The following SULF2 variants were observed in gnomAD, a reference collection of about 807,000 sequenced individuals.
SULF2 encodes sulfatase 2, also known as extracellular sulfatase Sulf-2.
SULF2 carries 52 observed loss-of-function variants against 107.7 expected under a neutral mutation model. That is an observed-to-expected ratio of 0.48 (90% CI 0.39 to 0.61). SULF2 has a LOEUF of 0.61. SULF2 is among the 20% of genes least tolerant of loss of function. The pLI is 0.00. For missense variants in SULF2, 993 were observed against 1,177.3 expected (o/e 0.84, Z 2.29); for synonymous variants, 460 against 464.3 (o/e 0.99, Z 0.12).
Position 47,665,291 on chromosome 20 carries a change from A to C in SULF2, c.1905T>G (p.Ile635Met). Reference sequence around the variant, plus strand: ...TCTTAATTTTGTTCTGCAGGGTTTCAATCTGAGGGAGGGGCAGAAGAGGAG... The same window carrying C: ...TCTTAATTTTGTTCTGCAGGGTTTCCATCTGAGGGAGGGGCAGAAGAGGAG... ...KDHKLHIDHE[I>M]ETLQNKIKNL... The change falls in exon 14 of 21, where the codon ATT (isoleucine) becomes ATG (methionine). Residue 635 changes from isoleucine (I) to methionine (M), a missense_variant and splice_region_variant. Ile to Met is a conservative substitution (Grantham distance 10, BLOSUM62 1). Transcript: ENST00000688720. 6.2e-7 allele frequency: 1 copy of C among 1,607,848 alleles called. No individual in the cohort carries two copies. The highest frequency in any genetic ancestry group is 8.5e-7 in the Non-Finnish European group (1 of 1,174,442).
At chr20:47,662,858 G>GTGA (rs1367338139) in intron 17 of SULF2, among the ~76,000 whole-genome samples, 1 of 151,910 alleles carries the variant, frequency 6.6e-6, no homozygotes, top group African/African-American at 2.4e-5. Context: ...CACACGCAGG[G>GTGA]TGATGGAGGC....
At chr20:47,688,543 G>A (rs909565221) in intron 5 of SULF2, among the ~76,000 whole-genome samples, 4 of 152,194 alleles carry the variant, frequency 2.6e-5, no homozygotes, top group African/African-American at 4.8e-5. Flanking sequence ...CCTCACCCAC[G>A]GCTTCTCCCT....
At chr20:47,763,942 G>T (rs898663280) in intron 1 of SULF2, among the ~76,000 whole-genome samples, 5 of 152,130 alleles carry the variant, frequency 3.3e-5, no homozygotes, top group African/African-American at 1.2e-4. Context: ...GGGGCTACAA[G>T]AACCCACCCA....
At chr20:47,743,752 G>A (rs1600628666) in intron 2 of SULF2, among the ~76,000 whole-genome samples, 1 of 152,024 alleles carries the variant, frequency 6.6e-6, no homozygotes, top group Non-Finnish European at 1.5e-5. Flanking sequence ...ATGCTCACTC[G>A]CCCCAACTAC....
In SULF2 at chr20:47,772,141, CTTTCT is replaced by C. The variant is rs574311539; in HGVS notation, c.-101+13197_-101+13201del. 1.6e-4 allele frequency among the ~76,000 whole-genome samples: 24 copies of C among 152,352 alleles called. 1 individual carries two copies. In the South Asian group the frequency reaches 4.8e-3, roughly 30 times the overall value. On this transcript the variant is annotated intron_variant, in intron 1 of 20. Coordinates refer to ENST00000688720, the MANE Select transcript of SULF2 (RefSeq NM_001387048.1). Reference sequence around the variant, plus strand: ...GGGCCTAAATTCATTCATTCATTCCCTTTCTTATTTCAATAAATTTATTTAGAAAG... The same window carrying C: ...GGGCCTAAATTCATTCATTCATTCCCTATTTCAATAAATTTATTTAGAAAG...
intron 4 of SULF2, among the ~76,000 whole-genome samples, chr20:47,700,262 C>G (rs1374258096): frequency 6.6e-6 from 1 of 152,196 alleles, no homozygotes; most frequent in Non-Finnish European, 1.5e-5. Context: ...GTAAACAAAG[C>G]TTCCTTAGAG....
At chr20:47,686,667 C>G (rs557113005) in intron 5 of SULF2, among the ~76,000 whole-genome samples, 5 of 152,336 alleles carry the variant, frequency 3.3e-5, no homozygotes, top group Non-Finnish European at 7.3e-5. Flanking sequence ...GGGACTTCAG[C>G]AGCGTCTCAG....
intron 3 of SULF2, among the ~76,000 whole-genome samples, chr20:47,704,901 C>T (rs2088681554): frequency 6.6e-6 from 1 of 152,094 alleles, no homozygotes; most frequent in Admixed American, 6.5e-5. Context: ...GCTCTGGTGC[C>T]CCTAGAGGAG....
chr20:47,756,055 A>G (rs985021268), intron 2 of SULF2, among the ~76,000 whole-genome samples: 4 of 152,220 alleles, frequency 2.6e-5, no homozygotes, highest in Non-Finnish European at 5.9e-5. Context: ...CGTAATAAAC[A>G]TCTGCTGGAT....
At chr20:47,707,827 C>T (rs1481198751) in intron 3 of SULF2, among the ~76,000 whole-genome samples, 1 of 152,200 alleles carries the variant, frequency 6.6e-6, no homozygotes, top group African/African-American at 2.4e-5. Flanking sequence ...TTTTGTTACA[C>T]CCCTACAGAG....
chr20:47,701,071 T>C (rs1202661850), intron 4 of SULF2, among the ~76,000 whole-genome samples: 2 of 152,200 alleles, frequency 1.3e-5, no homozygotes, highest in African/African-American at 2.4e-5. Context: ...TAGTTTATAA[T>C]AGACCCAAAC....
chr20:47,683,050 C>T lies in SULF2; in HGVS notation c.1008G>A (p.Glu336=). ...GLVKGKSMPY[E]FDIRVPFYVR... The stretch of plus-strand genomic sequence containing the variant: ...CGTAGAACGGGACCCTGATGTCAAA[C>T]TCATATGGCATGGATTTCCCTTTCA... The change falls in exon 7 of 21, where the codon GAG becomes GAA. Residue 336 remains glutamate, a synonymous_variant. Coordinates refer to ENST00000688720, the MANE Select transcript of SULF2 (RefSeq NM_001387048.1). 6.2e-7 allele frequency: 1 copy of T among 1,613,638 alleles called. No homozygotes were observed. Among genetic ancestry groups the T allele is most frequent in the Non-Finnish European group, 8.5e-7 (1 of 1,179,880 alleles).
chr20:47,770,119 G>A (rs977141187), intron 1 of SULF2, among the ~76,000 whole-genome samples: 4 of 144,664 alleles, frequency 2.8e-5, no homozygotes, highest in Non-Finnish European at 3.0e-5. Flanking sequence ...GGAGTGCAGC[G>A]GCACGAACAT....
chr20:47,665,916 G>C lies in SULF2; in HGVS notation c.1843C>G (p.Leu615Val), dbSNP rs1441732373. The C allele has an allele frequency of 1.9e-6, 3 of 1,614,104 alleles. No homozygotes were observed. Among genetic ancestry groups the C allele is most frequent in the South Asian group, 2.2e-5 (2 of 91,090 alleles). Residue 615 changes from leucine to valine, a missense_variant, in exon 13 of 21, where the codon CTG (leucine) becomes GTG (valine). This residue lies in a region of SULF2 where 497 missense variants were observed against 544.1 expected (regional missense o/e 0.91). Coordinates refer to ENST00000688720, the MANE Select transcript of SULF2 (RefSeq NM_001387048.1). ...GCCTGCAGGGACTTGTACAGGTCCA[G>C]GTCACACTGGACTGTGTCGTTCTCT... ...ILENDTVQCD[L>V]DLYKSLQAWK...
chr20:47,691,257 G>A (rs1315011016), intron 4 of SULF2, among the ~76,000 whole-genome samples: 1 of 152,186 alleles, frequency 6.6e-6, no homozygotes, highest in Non-Finnish European at 1.5e-5. Context: ...ACAGATGAAG[G>A]AAATATCATA....
rs184563339 is a variant in SULF2, at chr20:47,672,597, G to T, written c.1381-204C>A. ...GGCAGAGCTACCATCATCCCCCAGC[G>T]AGATGCCTCCGACAGCCACCACTCT... On this transcript the variant is annotated intron_variant, in intron 10 of 20. Coordinates refer to ENST00000688720, the MANE Select transcript of SULF2 (RefSeq NM_001387048.1). The T allele has an allele frequency of 1.3e-5, 13 of 970,204 alleles. No homozygotes were observed. In the African/African-American group the frequency reaches 2.3e-4, roughly 17 times the overall value. 60.1% of individuals were successfully genotyped at this position (970,204 alleles called of 1,614,324 possible).
rs2088144877 is a variant in SULF2, at chr20:47,690,108, CAG to C, written c.737+16_737+17del. 7.2e-7 allele frequency: 1 copy of C among 1,397,994 alleles called. No individual in the cohort carries two copies. Among genetic ancestry groups the C allele is most frequent in the Admixed American group, 2.5e-5 (1 of 39,864 alleles). 86.6% of individuals were successfully genotyped at this position (1,397,994 alleles called of 1,614,324 possible). A position where few individuals can be genotyped will look rare whatever the true frequency, so the allele number is the denominator to read the frequency against. On this transcript the variant is annotated intron_variant, in intron 5 of 20. Coordinates refer to ENST00000688720, the MANE Select transcript of SULF2 (RefSeq NM_001387048.1). ...CATGCTAAGCAGTGCCTCTGGCAGG[CAG>C]AGTGCTGAGGCTTACATGTGCTGAG...
intron 1 of SULF2, among the ~76,000 whole-genome samples, chr20:47,784,651 C>T (rs1038126924): frequency 2.0e-5 from 3 of 152,188 alleles, no homozygotes; most frequent in Non-Finnish European, 4.4e-5. Context: ...GAACGCGGTG[C>T]CCGGCACGAG....
At chr20:47,664,891 A>G (rs1385223588) in intron 14 of SULF2, among the ~76,000 whole-genome samples, 1 of 152,220 alleles carries the variant, frequency 6.6e-6, no homozygotes, top group African/African-American at 2.4e-5. Context: ...ATGGACCTCA[A>G]ACCACATGGG....
Sources: gnomAD v4.1 joint callset for allele counts (sites outside exome capture counted in the v4.1 genomes callset) on GRCh38, gnomAD v4.1.1 for gene constraint, gnomAD v4.1.1 regional missense constraint, MANE v1.5 for transcripts, NCBI Gene and HGNC (gene_info 2026-07-23, HGNC 2026-07-21) for gene names.